MEAK7: variants seen among roughly 807,000 people sequenced by gnomAD.
MEAK7 encodes the protein MTOR associated protein MEAK7.
A neutral mutation model predicts 40.5 loss-of-function variants in MEAK7; 68 were observed. The ratio of observed to expected loss-of-function variants is 1.68; its 90% CI spans 1.38 to 2.06. MEAK7 has a LOEUF of 2.06. Among genes scored for constraint, MEAK7 ranks in the 30% most tolerant of loss-of-function variants. The pLI, the probability that MEAK7 is intolerant of heterozygous loss-of-function variation, is 0.00. For missense variants in MEAK7, 918 were observed against 580.5 expected, an observed-to-expected ratio of 1.58 and a Z score of -5.98; for synonymous variants, 338 against 231.9, an observed-to-expected ratio of 1.46 and a Z score of -4.16.
At chr16:84,501,537 C>A (rs1441543023) in intron 1 of MEAK7, among the ~76,000 whole-genome samples, 1 of 152,176 alleles carries the variant, frequency 6.6e-6, no homozygotes, top group African/African-American at 2.4e-5. Flanking sequence ...CAAGTGCCAA[C>A]AGGCAGGACA....
At chr16:84,482,744 C>A in intron 5 of MEAK7, 34 bp from the exon 6 acceptor site, 1 of 1,612,016 alleles carries the variant, frequency 6.2e-7, no homozygotes, top group South Asian at 1.1e-5. Flanking sequence ...CAAACAGGGT[C>A]GGTGTCTGAG....
intron 1 of MEAK7, chr16:84,503,985 C>T: frequency 3.0e-6 from 3 of 985,578 alleles, no homozygotes; most frequent in Non-Finnish European, 3.6e-6. Context: ...ATTCCAACTG[C>T]CTCATCTGGA....
intron 3 of MEAK7, among the ~76,000 whole-genome samples, chr16:84,493,294 T>C (rs575355754): frequency 1.3e-5 from 2 of 152,248 alleles, no homozygotes; most frequent in Non-Finnish European, 1.5e-5. Flanking sequence ...GATCCTTTTA[T>C]AGGGCAGTTT....
rs754974946 is a variant in MEAK7 at position 84,480,524 on chromosome 16, C to T, written c.1257+5G>A. 1.2e-6 allele frequency: 2 copies of T among 1,604,062 alleles called. No individual in the cohort carries two copies. Among genetic ancestry groups the T allele is most frequent in the Admixed American group, 1.7e-5 (1 of 58,950 alleles). On this transcript the variant is annotated splice_donor_5th_base_variant and intron_variant, in intron 7 of 7. Coordinates refer to ENST00000343629, the MANE Select transcript of MEAK7 (RefSeq NM_020947.4). The stretch of plus-strand genomic sequence containing the variant: ...TCCTGGGATGCAGAGGACAGCTCCA[C>T]TCACCAACTGCTCCTCTGAGGGGTC...
rs764247746 is a variant in MEAK7 at position 84,480,607 on chromosome 16, C to T, written c.1179G>A (p.Pro393=). The part of the protein sequence containing the change: ...AKPTCTTYNS[P]QLSAQENFQF... ...GGAAGTTCTCCTGAGCCGACAGCTG[C>T]GGGCTGTTGTACGTGGTGCACGTGG... is the stretch of plus-strand genomic sequence containing the variant. Residue 393 remains proline, a synonymous_variant, in exon 7 of 8, where the codon CCG becomes CCA. Coordinates refer to ENST00000343629, the MANE Select transcript of MEAK7 (RefSeq NM_020947.4). 9 of 1,614,026 alleles carry T rather than the reference C, an allele frequency of 5.6e-6. No homozygotes were observed. The highest frequency in any genetic ancestry group is 2.2e-5 in the East Asian group (1 of 44,878).
intron 3 of MEAK7, among the ~76,000 whole-genome samples, chr16:84,491,939 G>C (rs1913653493): frequency 6.6e-6 from 1 of 152,032 alleles, no homozygotes; most frequent in Non-Finnish European, 1.5e-5. Context: ...AAGTCCTTTT[G>C]CTGTTAAGTT....
At chr16:84,486,569 T>C in intron 5 of MEAK7, 62 bp downstream of exon 5, 1 of 1,522,490 alleles carries the variant, frequency 6.6e-7, no homozygotes, top group Non-Finnish European at 8.8e-7. Flanking sequence ...ACCCTCTCCC[T>C]TTCTCCAGAG....
In MEAK7 at chr16:84,486,971, C is replaced by T. The variant is rs1347830096; in HGVS notation, c.618G>A (p.Val206=). The T allele has an allele frequency of 6.2e-7, 1 of 1,614,150 alleles. No homozygotes were observed. The highest frequency in any genetic ancestry group is 1.1e-5 in the South Asian group (1 of 91,074). The part of the protein sequence containing the change: ...IEDWVFRVPH[V]AIFLSVVICK... ...AAATGACCACACTCAGGAATATGGCCACATGGGGGACCCTGAACACCCAGT... is the reference window on the plus strand; with the variant it reads ...AAATGACCACACTCAGGAATATGGCTACATGGGGGACCCTGAACACCCAGT... Residue 206 remains valine (V), a synonymous_variant, in exon 5 of 8, where the codon GTG becomes GTA. Transcript: ENST00000343629.
intron 7 of MEAK7, 76 bp downstream of exon 7, chr16:84,480,453 G>A (rs1567484549): frequency 2.0e-6 from 3 of 1,473,064 alleles, no homozygotes; most frequent in East Asian, 2.3e-5. Flanking sequence ...AGAGTAAAGG[G>A]GTAATGGTAA....
In MEAK7 at chr16:84,478,578, C is replaced by T. The variant is rs1410024537; in HGVS notation, c.*1335G>A. ...ATATATCTTAGAGACAAGCTCACAGCACCTTTAAGTGGGGAGATCTCATGG... is the reference window on the plus strand; with the variant it reads ...ATATATCTTAGAGACAAGCTCACAGTACCTTTAAGTGGGGAGATCTCATGG... On this transcript the variant is annotated 3_prime_UTR_variant, in exon 8 of 8. Transcript: ENST00000343629. 3 of 152,250 alleles carry T rather than the reference C, an allele frequency of 2.0e-5. No individual in the cohort carries two copies. The highest frequency in any genetic ancestry group is 4.4e-5 in the Non-Finnish European group (3 of 68,044). 9.4% of individuals were successfully genotyped at this position (152,250 alleles called of 1,614,324 possible). A position where few individuals can be genotyped will look rare whatever the true frequency, so the allele number is the denominator to read the frequency against.
chr16:84,498,429 T>C (rs1914236591), intron 1 of MEAK7, among the ~76,000 whole-genome samples: 1 of 149,820 alleles, frequency 6.7e-6, no homozygotes, highest in Non-Finnish European at 1.5e-5. Flanking sequence ...CCAGGATGCC[T>C]GGCTAATTTT....
rs148808362 is a variant in MEAK7 at position 84,480,016 on chromosome 16, T to G, written c.1268A>C (p.Asn423Thr). 1.2e-6 allele frequency: 2 copies of G among 1,601,930 alleles called. No homozygotes were observed. The highest frequency in any genetic ancestry group is 1.7e-6 in the Non-Finnish European group (2 of 1,171,758). ...DPSEEQLAKG[N>T]KSILDADPEA... ...AGGGTCCGCATCCAGGATGCTCTTG[T>G]TGCCCTTGGCCTTGAGAAGAGAAGA... The change falls in exon 8 of 8, where the codon AAC becomes ACC. Residue 423 changes from asparagine (N) to threonine (T), a missense_variant. Asn to Thr is a moderately conservative substitution (Grantham distance 65). Transcript: ENST00000343629.
chr16:84,501,027 G>C (rs1462933185), intron 1 of MEAK7, among the ~76,000 whole-genome samples: 1 of 149,628 alleles, frequency 6.7e-6, no homozygotes, highest in Non-Finnish European at 1.5e-5. Context: ...CACGGACAGC[G>C]GAAGTCGCAG....
intron 3 of MEAK7, among the ~76,000 whole-genome samples, chr16:84,495,161 C>A (rs1426191238): frequency 6.6e-6 from 1 of 152,078 alleles, no homozygotes; most frequent in Admixed American, 6.6e-5. Flanking sequence ...CCCAGCTACT[C>A]AGGAGGCTGA....
intron 6 of MEAK7, among the ~76,000 whole-genome samples, chr16:84,481,627 AT>A (rs958625788): frequency 6.6e-6 from 1 of 152,062 alleles, no homozygotes; most frequent in African/African-American, 2.4e-5. Flanking sequence ...ACAGGGCTGG[AT>A]TTTCCCAATA....
At chr16:84,501,669 T>C (rs1182198353) in intron 1 of MEAK7, among the ~76,000 whole-genome samples, 1 of 151,932 alleles carries the variant, frequency 6.6e-6, no homozygotes, top group Non-Finnish European at 1.5e-5. Context: ...GGAGGTTGCA[T>C]GGGAGGCCCC....
chr16:84,498,103 C>A lies in MEAK7; in HGVS notation c.-17G>T. ...GTTCCCCATCTGTCCTGATATCTGG[C>A]AGAATTCTCTGCAGAAGGAAAAGAC... On this transcript the variant is annotated 5_prime_UTR_variant, in exon 2 of 8. Coordinates refer to ENST00000343629, the MANE Select transcript of MEAK7 (RefSeq NM_020947.4). 1 of 1,566,100 alleles carries A rather than the reference C, an allele frequency of 6.4e-7. No homozygotes were observed. The highest frequency in any genetic ancestry group is 8.6e-7 in the Non-Finnish European group (1 of 1,159,138).
intron 3 of MEAK7, among the ~76,000 whole-genome samples, chr16:84,491,288 T>A (rs866796094): frequency 2.0e-5 from 3 of 151,700 alleles, no homozygotes; most frequent in South Asian, 2.1e-4. Context: ...AATACAAAAA[T>A]TAACTTTGGG....
rs1046146256 is a variant in MEAK7 at position 84,482,801 on chromosome 16, C to T, written c.959-91G>A. 13 of 1,551,440 alleles carry T rather than the reference C, an allele frequency of 8.4e-6. No homozygotes were observed. In the African/African-American group the frequency reaches 1.1e-4, roughly 13 times the overall value. On this transcript the variant is annotated intron_variant, in intron 5 of 7. Transcript: ENST00000343629. ...TGCCGGTAAGCTGCAGCTCAGGAAG[C>T]AACAGGGCCAAGACCCTTCTCACCC...
Sources: gnomAD v4.1 joint callset for allele counts (sites outside exome capture counted in the v4.1 genomes callset) on GRCh38, gnomAD v4.1.1 for gene constraint, MANE v1.5 for transcripts, NCBI Gene and HGNC (gene_info 2026-07-23, HGNC 2026-07-21) for gene names.